The following HVCN1 variants were observed in gnomAD, a reference collection of about 807,000 sequenced individuals.
The protein encoded by HVCN1 is voltage-gated hydrogen channel 1.
A neutral mutation model predicts 29.2 loss-of-function variants in HVCN1; 14 were observed. The ratio of observed to expected loss-of-function variants is 0.48; its 90% confidence interval spans 0.32 to 0.75. The LOEUF (loss-of-function observed/expected upper bound fraction) is 0.75. HVCN1 is among the 30% of genes least tolerant of loss of function. HVCN1 has a pLI of 0.04. For missense variants in HVCN1, 263 were observed against 341.8 expected, an observed-to-expected ratio of 0.77 and a Z score of 1.82; for synonymous variants, 131 against 133.2, an observed-to-expected ratio of 0.98 and a Z score of 0.11.
In HVCN1 at chr12:110,699,020, C is replaced by A. The variant is rs541459981; in HGVS notation, c.-104+3289G>T. Among the ~76,000 whole-genome samples, 105 of 152,240 alleles carry A rather than the reference C, an allele frequency of 6.9e-4. 1 individual carries two copies. Among genetic ancestry groups the A allele is most frequent in the African/African-American group, 2.3e-3 (97 of 41,556 alleles). On this transcript the variant is annotated intron_variant, in intron 2 of 4. Coordinates refer to the HVCN1 transcript ENST00000546713. ...GTGTGCATCTGTAATCCCAGCCAGT[C>A]GGGAGGCTGAGGCAGAAGAATCACG...
intron 1 of HVCN1, among the ~76,000 whole-genome samples, chr12:110,704,111 C>G (rs74965588): frequency 1.3e-5 from 2 of 152,190 alleles, no homozygotes; most frequent in East Asian, 3.9e-4. Context: ...AACATGTGTA[C>G]GCCTAAGTAT....
At chr12:110,682,252 T>C (rs1453485342) in intron 3 of HVCN1, among the ~76,000 whole-genome samples, 1 of 152,134 alleles carries the variant, frequency 6.6e-6, no homozygotes, top group African/African-American at 2.4e-5. Context: ...CCTCCCAAAA[T>C]GCTGGAATTA....
At chr12:110,687,391 T>A (rs909457241) in intron 2 of HVCN1, among the ~76,000 whole-genome samples, 1 of 151,740 alleles carries the variant, frequency 6.6e-6, no homozygotes, top group African/African-American at 2.4e-5. Flanking sequence ...CAAGGGAGTA[T>A]GTCACAGATT....
chr12:110,666,002 A>C (rs1054897539), intron 3 of HVCN1, among the ~76,000 whole-genome samples: 3 of 149,852 alleles, frequency 2.0e-5, no homozygotes, highest in African/African-American at 7.4e-5. Context: ...GTGAATCTCC[A>C]TCTCACAAAA....
Position 110,676,062 on chromosome 12 carries a change from G to C in HVCN1, c.21+7163C>G, listed in dbSNP as rs1374724318. The stretch of plus-strand genomic sequence containing the variant: ...CCACAGACTTGCAGCTGGGTGTGCT[G>C]CTTCCTGGTCCAGGGTCTTAACACC... On this transcript the variant is annotated intron_variant, in intron 3 of 7. Transcript: ENST00000242607. This position sits in a 1 kb window ranked among gnomAD's most constrained non-coding sequence, Gnocchi z 4.1. 6.6e-6 allele frequency among the ~76,000 whole-genome samples: 1 copy of C among 152,188 alleles called. No individual in the cohort carries two copies.
At chr12:110,652,220 C>A (rs930582357) in intron 5 of HVCN1, among the ~76,000 whole-genome samples, 1 of 152,052 alleles carries the variant, frequency 6.6e-6, no homozygotes, top group Non-Finnish European at 1.5e-5. Flanking sequence ...ATGGTGAAAA[C>A]CTGTCTGTAC....
At chr12:110,684,003 T>C (rs1398761487) in intron 2 of HVCN1, among the ~76,000 whole-genome samples, 3 of 149,408 alleles carry the variant, frequency 2.0e-5, no homozygotes, top group Non-Finnish European at 3.0e-5. Context: ...CCATGCTAAG[T>C]GAAAAAAGCC....
intron 2 of HVCN1, among the ~76,000 whole-genome samples, chr12:110,697,784 T>C (rs1351201925): frequency 6.6e-6 from 1 of 151,728 alleles, no homozygotes; most frequent in Non-Finnish European, 1.5e-5. Context: ...GCCTAGTACC[T>C]GGGATTACAG....
At chr12:110,656,417 G>A (rs1160601418) in intron 4 of HVCN1, among the ~76,000 whole-genome samples, 6 of 152,160 alleles carry the variant, frequency 3.9e-5, no homozygotes, top group South Asian at 2.1e-4. Flanking sequence ...TGGCAGTCAC[G>A]GTGACAGCTG....
At chr12:110,685,005 T>A (rs1297513431) in intron 2 of HVCN1, among the ~76,000 whole-genome samples, 1 of 152,174 alleles carries the variant, frequency 6.6e-6, no homozygotes, top group Non-Finnish European at 1.5e-5. Flanking sequence ...CTTCAGGGTG[T>A]GGTAGGCAAA....
intron 3 of HVCN1, among the ~76,000 whole-genome samples, chr12:110,671,692 C>T (rs906391306): frequency 6.6e-6 from 1 of 152,140 alleles, no homozygotes; most frequent in African/African-American, 2.4e-5. Context: ...TCCTGGACTC[C>T]AAGGAGAAAG....
chr12:110,662,235 G>GA (rs112306425), intron 3 of HVCN1, among the ~76,000 whole-genome samples: 204 of 150,958 alleles, frequency 1.4e-3, no homozygotes, highest in African/African-American at 4.6e-3. Flanking sequence ...TTGTCAATAG[G>GA]AAAAAAAAAT....
chr12:110,674,111 C>T (rs898429345), intron 3 of HVCN1, among the ~76,000 whole-genome samples: 2 of 152,264 alleles, frequency 1.3e-5, no homozygotes, highest in African/African-American at 4.8e-5. Flanking sequence ...CTGCCCAAGA[C>T]TATGGGAACC....
Position 110,649,208 on chromosome 12 carries a change from T to C in HVCN1, c.*202A>G. ...AAAATGTGATACATTTGATACAGTG[T>C]GGGGTGGGAGTGGATGGGCAGCTCT... On this transcript the variant is annotated 3_prime_UTR_variant, in exon 8 of 8. Coordinates refer to ENST00000242607, the MANE Select transcript of HVCN1 (RefSeq NM_032369.4). The C allele has an allele frequency of 1.5e-6, 1 of 680,864 alleles. No homozygotes were observed. Among genetic ancestry groups the C allele is most frequent in the South Asian group, 1.6e-5 (1 of 62,358 alleles). The allele number at this position is 680,864 out of a possible 1,614,324, so 42.2% of individuals were successfully genotyped here.
At chr12:110,671,928 C>T (rs1272115611) in intron 3 of HVCN1, among the ~76,000 whole-genome samples, 1 of 152,110 alleles carries the variant, frequency 6.6e-6, no homozygotes. Context: ...GAAGTCACAC[C>T]GTGCCGCACA....
chr12:110,649,781 G>A (rs2067704165), intron 7 of HVCN1, among the ~76,000 whole-genome samples: 1 of 152,262 alleles, frequency 6.6e-6, no homozygotes, highest in Non-Finnish European at 1.5e-5. Flanking sequence ...GCCCAGGGAA[G>A]GGCGCTCTAG....
At position 110,649,435 on chromosome 12, in the gene HVCN1, T is replaced by C. The variant is rs959478757; in HGVS notation, c.797A>G (p.His266Arg). Residue 266 changes from histidine to arginine, a missense_variant, in exon 8 of 8, where the codon CAT (histidine) becomes CGT (arginine). Transcript: ENST00000242607. ...IERLNKLLRQ[H>R]GLLGEVN ...CTAGTTCACTTCACCAAGAAGTCCA[T>C]GCTGTCGCAATAGTTTGTTAAGTCT... 1.6e-5 allele frequency: 25 copies of C among 1,609,124 alleles called. No homozygotes were observed. Among genetic ancestry groups the C allele is most frequent in the African/African-American group, 1.1e-4 (8 of 74,860 alleles).
At chr12:110,699,529 A>C (rs2069541356) in intron 2 of HVCN1, among the ~76,000 whole-genome samples, 1 of 152,090 alleles carries the variant, frequency 6.6e-6, no homozygotes, top group Non-Finnish European at 1.5e-5. Context: ...TCTGCAGCCT[A>C]GGAGCCCAGT....
At chr12:110,674,722 T>TTCGTC (rs1173130828) in intron 3 of HVCN1, among the ~76,000 whole-genome samples, 1 of 152,220 alleles carries the variant, frequency 6.6e-6, no homozygotes, top group Non-Finnish European at 1.5e-5. Flanking sequence ...GTAAGTGCTT[T>TTCGTC]TCGTCTCCTG....
Sources: allele counts gnomAD v4.1 joint callset (sites outside exome capture counted in the v4.1 genomes callset), GRCh38; gene constraint gnomAD v4.1.1; non-coding constraint Gnocchi (gnomAD v3.1); transcripts MANE v1.5; gene names NCBI Gene and HGNC (gene_info 2026-07-23, HGNC 2026-07-21).